Variants in LYSMD2 observed in about 807,000 individuals in gnomAD.
LYSMD2 encodes lysM and putative peptidoglycan-binding domain-containing protein 2.
LYSMD2 carries 6 observed loss-of-function variants against 17.7 expected under a neutral mutation model. The ratio of observed to expected loss-of-function variants is 0.34; its 90% CI spans 0.19 to 0.67. The LOEUF (loss-of-function observed/expected upper bound fraction) is 0.67, where lower values mean the gene tolerates loss of function less well. LYSMD2 is among the 30% of genes least tolerant of loss of function. The probability of loss-of-function intolerance (pLI) is 0.69; values close to 1 mark genes in which losing one functional copy is unlikely to be tolerated. For synonymous variants in LYSMD2, 102 were observed against 129.8 expected, an observed-to-expected ratio of 0.79 and a Z score of 1.45; for missense variants, 237 against 286.7, an observed-to-expected ratio of 0.83 and a Z score of 1.25.
chr15:51,734,839 G>A (rs1268337107), intron 1 of LYSMD2, among the ~76,000 whole-genome samples: 2 of 152,042 alleles, frequency 1.3e-5, no homozygotes, highest in African/African-American at 4.8e-5. Flanking sequence ...TGCCTTTTTA[G>A]CTTCCACCTT....
At chr15:51,743,442 G>C (rs753714282) in intron 1 of LYSMD2, among the ~76,000 whole-genome samples, 6 of 152,220 alleles carry the variant, frequency 3.9e-5, no homozygotes, top group Non-Finnish European at 7.3e-5. Context: ...AACTATATTT[G>C]TGTGGGTCTA....
intron 2 of LYSMD2, 107 bp downstream of exon 2, chr15:51,724,683 A>G: frequency 1.6e-6 from 1 of 610,084 alleles, no homozygotes; most frequent in Non-Finnish European, 2.5e-6. Flanking sequence ...AGAAAGAAAG[A>G]AAAGAAAAGA....
Position 51,735,922 on chromosome 15 carries a change from G to A in LYSMD2, c.273+1428C>T, listed in dbSNP as rs550504777. Among the ~76,000 whole-genome samples the A allele has an allele frequency of 1.4e-4, 22 of 152,310 alleles. No individual in the cohort carries two copies. In the South Asian group the frequency reaches 4.6e-3, roughly 32 times the overall value. ...GCCTGAAAACCAGATAGAAAAGACTGTCCTCCTTCAGTAGCCAGGATGCTG... is the reference window on the plus strand; with the variant it reads ...GCCTGAAAACCAGATAGAAAAGACTATCCTCCTTCAGTAGCCAGGATGCTG... On this transcript the variant is annotated intron_variant, in intron 1 of 2. Coordinates refer to ENST00000267838, the MANE Select transcript of LYSMD2 (RefSeq NM_153374.3).
intron 1 of LYSMD2, among the ~76,000 whole-genome samples, chr15:51,749,494 CCT>C (rs1398080962): frequency 4.6e-5 from 7 of 152,222 alleles, no homozygotes; most frequent in African/African-American, 7.2e-5. Context: ...AAATCATTCC[CCT>C]GTCTGCTTCC....
upstream of LYSMD2, among the ~76,000 whole-genome samples, chr15:51,740,949 G>A (rs1394683599): frequency 1.3e-5 from 2 of 152,140 alleles, no homozygotes; most frequent in South Asian, 2.1e-4. Context: ...GCAAAATAAT[G>A]AAAATATCAT....
intron 1 of LYSMD2, among the ~76,000 whole-genome samples, chr15:51,747,835 C>A (rs534228703): frequency 6.6e-6 from 1 of 152,190 alleles, no homozygotes; most frequent in Non-Finnish European, 1.5e-5. Flanking sequence ...ACTACACATA[C>A]GATTTAATTC....
chr15:51,726,954 A>C (rs2055543684), intron 1 of LYSMD2, among the ~76,000 whole-genome samples: 2 of 152,204 alleles, frequency 1.3e-5, no homozygotes, highest in South Asian at 4.1e-4. Flanking sequence ...AGGAACTGCA[A>C]GAGTACACTA....
At chr15:51,730,185 C>T (rs559551811) in intron 1 of LYSMD2, among the ~76,000 whole-genome samples, 1 of 152,262 alleles carries the variant, frequency 6.6e-6, no homozygotes. Flanking sequence ...AGAACAACTG[C>T]CATCAATAAC....
At chr15:51,742,963 A>G (rs74690750) in intron 1 of LYSMD2, among the ~76,000 whole-genome samples, 9,006 of 152,284 alleles carry the variant, frequency 0.059, 346 homozygotes, top group East Asian at 0.095. Context: ...CTCTGACTCA[A>G]AAATACATAC....
upstream of LYSMD2, among the ~76,000 whole-genome samples, chr15:51,742,538 T>C (rs2055648408): frequency 6.6e-6 from 1 of 152,230 alleles, no homozygotes; most frequent in Non-Finnish European, 1.5e-5. Context: ...GGGGGAGCTC[T>C]TTGTATATTT....
chr15:51,723,583 GT>G lies in LYSMD2; in HGVS notation c.*23del. The G allele has an allele frequency of 6.3e-7, 1 of 1,585,862 alleles. No individual in the cohort carries two copies. The highest frequency in any genetic ancestry group is 8.7e-7 in the Non-Finnish European group (1 of 1,155,218). Reference sequence around the variant, plus strand: ...ATGGTCCAAACATATCTTAATTTTGGTTAGAGTTATGCCCCCAAATCACCTA... The same window carrying G: ...ATGGTCCAAACATATCTTAATTTTGGTAGAGTTATGCCCCCAAATCACCTA... On this transcript the variant is annotated 3_prime_UTR_variant, in exon 3 of 3. Transcript: ENST00000267838.
At chr15:51,735,818 G>A (rs950837234) in intron 1 of LYSMD2, among the ~76,000 whole-genome samples, 1 of 152,174 alleles carries the variant, frequency 6.6e-6, no homozygotes, top group Non-Finnish European at 1.5e-5. Flanking sequence ...GAGATTGCAC[G>A]GGAAGACAGC....
intron 1 of LYSMD2, among the ~76,000 whole-genome samples, chr15:51,726,671 T>C (rs1009889878): frequency 6.6e-6 from 1 of 152,198 alleles, no homozygotes; most frequent in African/African-American, 2.4e-5. Flanking sequence ...GGAGTCACCT[T>C]AGAGGTGAGC....
intron 1 of LYSMD2, among the ~76,000 whole-genome samples, chr15:51,735,923 T>C (rs1458719231): frequency 6.6e-6 from 1 of 152,180 alleles, no homozygotes; most frequent in Non-Finnish European, 1.5e-5. Context: ...GAAAAGACTG[T>C]CCTCCTTCAG....
At chr15:51,730,914 G>A (rs917735246) in intron 1 of LYSMD2, among the ~76,000 whole-genome samples, 2 of 152,158 alleles carry the variant, frequency 1.3e-5, no homozygotes, top group African/African-American at 2.4e-5. Flanking sequence ...AGATGTTGAT[G>A]GCAATGAGAC....
At chr15:51,735,342 T>C (rs1005832367) in intron 1 of LYSMD2, among the ~76,000 whole-genome samples, 2 of 152,152 alleles carry the variant, frequency 1.3e-5, no homozygotes, top group Admixed American at 6.5e-5. Context: ...AAACCAGTGG[T>C]CCTCAACCAG....
Position 51,725,778 on chromosome 15 carries a change from T to C in LYSMD2, c.274-657A>G, listed in dbSNP as rs149533941. Among the ~76,000 whole-genome samples the C allele has an allele frequency of 5.2e-3, 785 of 152,174 alleles. 3 individuals are homozygous for C. The highest frequency in any genetic ancestry group is 8.5e-3 in the Non-Finnish European group (575 of 68,010). On this transcript the variant is annotated intron_variant, in intron 1 of 2. Coordinates refer to ENST00000267838, the MANE Select transcript of LYSMD2 (RefSeq NM_153374.3). ...TCTATATGGAAAGAGAGAGAGAAAG[T>C]AGTGATTAGAGTGTCTGGCAGTGGA...
chr15:51,740,097 T>G (rs2055635479), upstream of LYSMD2, among the ~76,000 whole-genome samples: 1 of 152,126 alleles, frequency 6.6e-6, no homozygotes, highest in African/African-American at 2.4e-5. Context: ...TAGCTGGGAC[T>G]ACAGCATGTG....
In LYSMD2 at chr15:51,725,092, C is replaced by G; in HGVS notation, c.303G>C (p.Leu101=). ...TMEQIKRANK[L]FTNDCIFLKK... ...TCAGAAATATACAATCATTGGTAAACAGTTTATTGGCCCTTTTAATCTGTT... is the reference window on the plus strand; with the variant it reads ...TCAGAAATATACAATCATTGGTAAAGAGTTTATTGGCCCTTTTAATCTGTT... Residue 101 remains leucine (L), a synonymous_variant, in exon 2 of 3, where the codon CTG becomes CTC. Coordinates refer to ENST00000267838, the MANE Select transcript of LYSMD2 (RefSeq NM_153374.3). 1 of 1,608,840 alleles carries G rather than the reference C, an allele frequency of 6.2e-7. No individual in the cohort carries two copies. Among genetic ancestry groups the G allele is most frequent in the Non-Finnish European group, 8.5e-7 (1 of 1,176,058 alleles).
Sources: gnomAD v4.1 joint callset for allele counts (sites outside exome capture counted in the v4.1 genomes callset) on GRCh38, gnomAD v4.1.1 for gene constraint, MANE v1.5 for transcripts, NCBI Gene and HGNC (gene_info 2026-07-23, HGNC 2026-07-21) for gene names.